COL4A5: variants seen among roughly 807,000 people sequenced by gnomAD.
The protein encoded by COL4A5 is collagen type IV alpha 5 chain.
COL4A5 carries 26 observed loss-of-function variants against 130.2 expected under a neutral mutation model. That is an observed-to-expected ratio of 0.20 (90% CI 0.15 to 0.28). The LOEUF (loss-of-function observed/expected upper bound fraction) is 0.28. Among genes scored for constraint, COL4A5 ranks in the 10% least tolerant of loss-of-function variants. The pLI is 1.00. For missense variants in COL4A5, 1,131 were observed against 1,344.3 expected (o/e 0.84, Z 2.48); for synonymous variants, 496 against 439.6 (o/e 1.13, Z -1.60).
chrX:108,531,265 C>T (rs1200868405), intron 1 of COL4A5, among the ~76,000 whole-genome samples: 6 of 96,739 alleles, frequency 6.2e-5, no homozygotes, highest in Non-Finnish European at 1.2e-4. Context: ...TGCTAAATGA[C>T]GAGTTAATGG....
chrX:108,636,164 T>C (rs1305696861), intron 36 of COL4A5, among the ~76,000 whole-genome samples: 1 of 111,755 alleles, frequency 8.9e-6, no homozygotes, highest in African/African-American at 3.2e-5. Context: ...GAAAAGAGGA[T>C]ACCTGTCTGC....
Position 108,614,994 on chromosome X carries a change from C to A in COL4A5, c.2479C>A (p.Pro827Thr). The A allele has an allele frequency of 1.7e-6, 2 of 1,208,376 alleles. No individual in the cohort carries two copies. Among genetic ancestry groups the A allele is most frequent in the South Asian group, 3.5e-5 (2 of 56,852 alleles). ...GIGVQGPPGPPGIPGPIGQPG... is the reference protein window; with the variant it reads ...GIGVQGPPGPTGIPGPIGQPG... ...AGGTGTTCAGGGACCACCAGGACCA[C>A]CAGGGATTCCTGGGCCAATAGGTCA... is the stretch of plus-strand genomic sequence containing the variant. The change falls in exon 30 of 53, where the codon CCA becomes ACA. Residue 827 changes from proline to threonine, a missense_variant. Transcript: ENST00000328300.
At chrX:108,496,217 G>C (rs2065032969) in intron 1 of COL4A5, among the ~76,000 whole-genome samples, 1 of 111,554 alleles carries the variant, frequency 9.0e-6, no homozygotes, top group African/African-American at 3.3e-5. Context: ...TTCCCTCTAA[G>C]AACATTTTAG....
At chrX:108,566,817 C>T (rs1208513806) in intron 4 of COL4A5, among the ~76,000 whole-genome samples, 1 of 111,095 alleles carries the variant, frequency 9.0e-6, no homozygotes, top group African/African-American at 3.3e-5. Context: ...CCAAAGTGAG[C>T]GGTTTTTATT....
At chrX:108,487,413 AAAG>A (rs61590564) in intron 1 of COL4A5, among the ~76,000 whole-genome samples, 2 of 107,578 alleles carry the variant, frequency 1.9e-5, no homozygotes, top group African/African-American at 7.1e-5. Flanking sequence ...AAAAAGAAGA[AAAG>A]AAGAAGTGTT....
Position 108,568,789 on chromosome X carries a change from C to A in COL4A5, c.352C>A (p.Pro118Thr). 1 of 1,210,843 alleles carries A rather than the reference C, an allele frequency of 8.3e-7. No homozygotes were observed. The highest frequency in any genetic ancestry group is 1.1e-6 in the Non-Finnish European group (1 of 894,818). ...GMPGHDGAPGPQGIPGCNGTK... is the reference protein window; with the variant it reads ...GMPGHDGAPGTQGIPGCNGTK... The stretch of plus-strand genomic sequence containing the variant: ...GCCAGGCCACGATGGGGCCCCAGGA[C>A]CTCAAGGTATTCCCGGATGCAATGG... Residue 118 changes from proline to threonine, a missense_variant, in exon 6 of 53, where the codon CCT becomes ACT. Physicochemically the swap from Pro to Thr is conservative, Grantham distance 38. Transcript: ENST00000328300.
At chrX:108,616,679 C>A (rs1479309248) in intron 30 of COL4A5, among the ~76,000 whole-genome samples, 1 of 111,316 alleles carries the variant, frequency 9.0e-6, no homozygotes, top group Admixed American at 9.6e-5. Context: ...AAAAGGAACA[C>A]CATTAATATG....
intron 36 of COL4A5, among the ~76,000 whole-genome samples, chrX:108,630,768 C>T (rs1453204293): frequency 8.9e-6 from 1 of 111,975 alleles, no homozygotes; most frequent in Non-Finnish European, 1.9e-5. Flanking sequence ...AAGTTTTCTT[C>T]TAGGGTTTTT....
chrX:108,507,493 T>C (rs997561087), intron 1 of COL4A5, among the ~76,000 whole-genome samples: 3 of 111,701 alleles, frequency 2.7e-5, no homozygotes, highest in Non-Finnish European at 5.6e-5. Context: ...CAATAGATAA[T>C]GCAGAAAAGG....
At chrX:108,590,934 GA>G in intron 19 of COL4A5, 123 bp from the exon 20 acceptor site, 21 of 651,413 alleles carry the variant, frequency 3.2e-5, no homozygotes, top group African/African-American at 4.5e-5. Context: ...GAGTCTCATA[GA>G]AAAAAAATAA....
chrX:108,550,962 C>A, intron 2 of COL4A5, among the ~76,000 whole-genome samples: 1 of 111,109 alleles, frequency 9.0e-6, no homozygotes, highest in Non-Finnish European at 1.9e-5. Context: ...TGAAATCAGA[C>A]CCCTGCCTTT....
At chrX:108,676,281 G>A (rs780385185) in intron 43 of COL4A5, among the ~76,000 whole-genome samples, 2 of 111,880 alleles carry the variant, frequency 1.8e-5, no homozygotes, top group South Asian at 7.5e-4. Context: ...CCAGAGGAGA[G>A]AAGGTGTAAA....
chrX:108,507,699 T>C (rs948247797), intron 1 of COL4A5, among the ~76,000 whole-genome samples: 2 of 111,204 alleles, frequency 1.8e-5, no homozygotes, highest in Admixed American at 1.9e-4. Context: ...TCCCAGCTGC[T>C]GGGGAGGCTG....
At chrX:108,546,514 C>T (rs1308892333) in intron 2 of COL4A5, among the ~76,000 whole-genome samples, 7 of 111,679 alleles carry the variant, frequency 6.3e-5, no homozygotes, top group African/African-American at 9.8e-5. Context: ...GTGGGTAACC[C>T]GACCTTTCTC....
intron 1 of COL4A5, among the ~76,000 whole-genome samples, chrX:108,465,431 A>G (rs759610190): frequency 9.8e-5 from 11 of 111,707 alleles, no homozygotes; most frequent in Non-Finnish European, 1.5e-4. Flanking sequence ...ATTTTTTTCA[A>G]AAGTTGGATT....
rs1473366507 is a variant in COL4A5 at position 108,546,205 on chromosome X, A to G, written c.141+6400A>G. On this transcript the variant is annotated intron_variant, in intron 2 of 52. Transcript: ENST00000328300. ...GTTGATGCAGTTTCTTCCTAGCATC[A>G]ATGGTCTTTACAATTTGGCATGATT... 2.7e-5 allele frequency among the ~76,000 whole-genome samples: 3 copies of G among 111,849 alleles called. No homozygotes were observed. In the Admixed American group the frequency reaches 2.8e-4, roughly 11 times the overall value.
At chrX:108,489,190 A>AT (rs1320237633) in intron 1 of COL4A5, among the ~76,000 whole-genome samples, 2 of 112,018 alleles carry the variant, frequency 1.8e-5, no homozygotes. Context: ...CCTAAGCCAC[A>AT]TTGCAGGAAG....
intron 40 of COL4A5, 112 bp from the exon 41 acceptor site, chrX:108,668,207 A>G (rs2068123970): frequency 1.4e-6 from 1 of 724,812 alleles, no homozygotes; most frequent in African/African-American, 2.1e-5. Context: ...TAGGAGATAG[A>G]AATGACTCTT....
At chrX:108,481,506 C>T (rs1332371622) in intron 1 of COL4A5, among the ~76,000 whole-genome samples, 4 of 111,702 alleles carry the variant, frequency 3.6e-5, no homozygotes, top group Admixed American at 1.9e-4. Context: ...GAAGTTTTCT[C>T]TGTATAATTT....
Sources: gnomAD v4.1 joint callset for allele counts (sites outside exome capture counted in the v4.1 genomes callset) on GRCh38, gnomAD v4.1.1 for gene constraint, MANE v1.5 for transcripts, NCBI Gene and HGNC (gene_info 2026-07-23, HGNC 2026-07-21) for gene names.